Variants in RUNX1 observed in about 807,000 individuals in gnomAD.
RUNX1 encodes the protein RUNX family transcription factor 1, also known as runt-related transcription factor 1.
RUNX1 carries 19 observed loss-of-function variants against 42.8 expected under a neutral mutation model. The ratio of observed to expected loss-of-function variants is 0.44; its 90% confidence interval spans 0.31 to 0.65. RUNX1 has a LOEUF of 0.65. Among genes scored for constraint, RUNX1 ranks in the 30% least tolerant of loss-of-function variants. The pLI is 0.07. For missense variants in RUNX1, 528 were observed against 672.0 expected (o/e 0.79, Z 2.37); for synonymous variants, 271 against 289.4 (o/e 0.94, Z 0.64).
intron 6 of RUNX1, 37 bp downstream of exon 6, chr21:34,859,437 C>A (rs2146233531): frequency 2.1e-6 from 3 of 1,400,120 alleles, no homozygotes; most frequent in Non-Finnish European, 3.0e-6. Flanking sequence ...GGTGTACCAG[C>A]CTGGAGGGTG....
At chr21:34,916,670 T>C (rs1338846769) in intron 2 of RUNX1, among the ~76,000 whole-genome samples, 2 of 151,934 alleles carry the variant, frequency 1.3e-5, no homozygotes, top group Admixed American at 1.3e-4. Flanking sequence ...GAATTTGAGC[T>C]AGCTCACATG....
At chr21:34,875,661 G>A (rs2057803746) in intron 5 of RUNX1, among the ~76,000 whole-genome samples, 1 of 152,126 alleles carries the variant, frequency 6.6e-6, no homozygotes. Context: ...ATATGAATCT[G>A]TTAATAGAAT....
At chr21:34,921,584 G>C (rs1423744191) in intron 2 of RUNX1, among the ~76,000 whole-genome samples, 1 of 152,172 alleles carries the variant, frequency 6.6e-6, no homozygotes, top group East Asian at 1.9e-4. Context: ...ATGCTGCTAT[G>C]AACAAGAGTG....
At chr21:35,029,186 C>T (rs1457767514) in intron 2 of RUNX1, among the ~76,000 whole-genome samples, 1 of 152,064 alleles carries the variant, frequency 6.6e-6, no homozygotes, top group African/African-American at 2.4e-5. Flanking sequence ...GTTGTCAACT[C>T]AAATGCCCAA....
intron 2 of RUNX1, among the ~76,000 whole-genome samples, chr21:34,977,569 A>G (rs1259305776): frequency 6.6e-6 from 1 of 152,270 alleles, no homozygotes. Flanking sequence ...AGAGAGGGGT[A>G]GGATTTCAAT....
rs542787012 is a variant in RUNX1, at chr21:34,836,974, C to T, written c.614-2373G>A. 2.1e-4 allele frequency among the ~76,000 whole-genome samples: 32 copies of T among 152,240 alleles called. 1 individual carries two copies. Among genetic ancestry groups the T allele is most frequent in the African/African-American group, 7.2e-5 (3 of 41,524 alleles). Reference sequence around the variant, plus strand: ...AAGCCAGTCCTGTGGTCAGGCACAACGTGAGGTATTTTTTGTTTGTTTGTT... The same window carrying T: ...AAGCCAGTCCTGTGGTCAGGCACAATGTGAGGTATTTTTTGTTTGTTTGTT... On this transcript the variant is annotated intron_variant, in intron 6 of 8. Transcript: ENST00000675419.
chr21:34,980,081 A>G (rs750520054), intron 2 of RUNX1, among the ~76,000 whole-genome samples: 3 of 152,258 alleles, frequency 2.0e-5, no homozygotes, highest in African/African-American at 4.8e-5. Context: ...GCGCTTATGT[A>G]TAAGTACCTG....
At chr21:34,884,304 C>T (rs1015053722) in intron 4 of RUNX1, among the ~76,000 whole-genome samples, 2 of 152,172 alleles carry the variant, frequency 1.3e-5, no homozygotes, top group African/African-American at 4.8e-5. Flanking sequence ...AATTTTAAAT[C>T]TCTCTTTAGT....
chr21:34,888,518 CA>C, intron 3 of RUNX1: 4 of 1,065,820 alleles, frequency 3.8e-6, no homozygotes, highest in Non-Finnish European at 4.5e-6. Context: ...AAAAAAACAA[CA>C]AAAAAAGGAA....
intron 2 of RUNX1, among the ~76,000 whole-genome samples, chr21:34,994,864 G>A (rs150939672): frequency 2.3e-4 from 35 of 152,212 alleles, no homozygotes; most frequent in African/African-American, 8.0e-4. Flanking sequence ...TACTGACTGG[G>A]CACTTCTGTT....
At chr21:34,871,166 T>C (rs556933048) in intron 5 of RUNX1, among the ~76,000 whole-genome samples, 2 of 152,266 alleles carry the variant, frequency 1.3e-5, no homozygotes, top group Non-Finnish European at 2.9e-5. Flanking sequence ...TCTCCGTTCC[T>C]ACACACACCC....
At chr21:35,044,636 C>T (rs996126730) in intron 2 of RUNX1, among the ~76,000 whole-genome samples, 10 of 152,286 alleles carry the variant, frequency 6.6e-5, no homozygotes, top group Admixed American at 4.6e-4. Flanking sequence ...AGACCTCCTG[C>T]CATTGCTTTC....
At chr21:35,020,157 T>A (rs2059188109) in intron 2 of RUNX1, among the ~76,000 whole-genome samples, 1 of 152,078 alleles carries the variant, frequency 6.6e-6, no homozygotes, top group African/African-American at 2.4e-5. Flanking sequence ...GAGTTGCAAT[T>A]AGATTTTTTT....
chr21:34,907,880 A>C lies in RUNX1; in HGVS notation c.59-14917T>G, dbSNP rs2058236574. On this transcript the variant is annotated intron_variant, in intron 2 of 8. Coordinates refer to ENST00000675419, the MANE Select transcript of RUNX1 (RefSeq NM_001754.5). The surrounding 1 kb of genome is among the most constrained non-coding windows in gnomAD (Gnocchi z 5.3). ...GGTCATTTTGTTTAGAGGTGAAAAG[A>C]TTCTTAGCAAACATTTTGTCCAATC... Among the ~76,000 whole-genome samples, 1 of 152,096 alleles carries C rather than the reference A, an allele frequency of 6.6e-6. No homozygotes were observed. Among genetic ancestry groups the C allele is most frequent in the South Asian group, 2.1e-4 (1 of 4,830 alleles).
At chr21:35,021,669 C>T (rs1204864803) in intron 2 of RUNX1, among the ~76,000 whole-genome samples, 1 of 152,218 alleles carries the variant, frequency 6.6e-6, no homozygotes, top group Non-Finnish European at 1.5e-5. Flanking sequence ...TCTTCCAGAG[C>T]ATGAGAAGTA....
intron 7 of RUNX1, among the ~76,000 whole-genome samples, chr21:34,815,060 C>T (rs555515629): frequency 3.3e-5 from 5 of 152,016 alleles, no homozygotes; most frequent in South Asian, 2.1e-4. Flanking sequence ...AGGAACTTCC[C>T]GTCTTCTTTG....
chr21:35,017,126 T>C (rs1205727926), intron 2 of RUNX1, among the ~76,000 whole-genome samples: 1 of 152,104 alleles, frequency 6.6e-6, no homozygotes, highest in Non-Finnish European at 1.5e-5. Context: ...GGAATCAGTC[T>C]TTGTCTACCT....
chr21:34,803,503 T>C (rs7282430), intron 7 of RUNX1, among the ~76,000 whole-genome samples: 12,617 of 151,574 alleles, frequency 0.083, 1,413 homozygotes, highest in African/African-American at 0.26. Flanking sequence ...GCCAAGATCG[T>C]GCCACTGCAC....
chr21:34,830,814 A>G (rs2057052703), intron 7 of RUNX1, among the ~76,000 whole-genome samples: 1 of 152,248 alleles, frequency 6.6e-6, no homozygotes, highest in South Asian at 2.1e-4. Flanking sequence ...TGGTCCAGTT[A>G]AAGAGTTAAA....
Sources: allele counts gnomAD v4.1 joint callset (sites outside exome capture counted in the v4.1 genomes callset), GRCh38; gene constraint gnomAD v4.1.1; non-coding constraint Gnocchi (gnomAD v3.1); transcripts MANE v1.5; gene names NCBI Gene and HGNC (gene_info 2026-07-23, HGNC 2026-07-21).